Variants in DMD observed in about 807,000 individuals in gnomAD.
DMD encodes the protein dystrophin, also known as mutant dystrophin.
DMD carries 63 observed loss-of-function variants against 330.1 expected under a neutral mutation model. That is an observed-to-expected ratio of 0.19 (90% confidence interval 0.16 to 0.24). The LOEUF (loss-of-function observed/expected upper bound fraction) is 0.24. DMD is among the 10% of genes least tolerant of loss of function. DMD has a pLI of 1.00. For synonymous variants in DMD, 1,223 were observed against 959.8 expected, an observed-to-expected ratio of 1.27 and a Z score of -5.07; for missense variants, 3,344 against 2,684.1, an observed-to-expected ratio of 1.25 and a Z score of -5.43.
intron 1 of DMD, among the ~76,000 whole-genome samples, chrX:33,338,247 C>T (rs1213723982): frequency 1.8e-5 from 2 of 110,756 alleles, no homozygotes; most frequent in Non-Finnish European, 1.9e-5. Context: ...AGAAACGATG[C>T]ATAGTTTATA....
At chrX:31,610,710 G>A (rs17283225) in intron 55 of DMD, among the ~76,000 whole-genome samples, 5,613 of 111,375 alleles carry the variant, frequency 0.05, 101 homozygotes, top group South Asian at 0.072. Context: ...TTAAGTTATG[G>A]GATTCAACCT....
intron 43 of DMD, among the ~76,000 whole-genome samples, chrX:32,237,050 C>T (rs2097190588): frequency 9.0e-6 from 1 of 111,287 alleles, no homozygotes; most frequent in African/African-American, 3.3e-5. Flanking sequence ...TTGCATTGTA[C>T]AGGTTTTTAA....
chrX:31,154,077 T>C (rs768968007), intron 74 of DMD, among the ~76,000 whole-genome samples: 6 of 111,862 alleles, frequency 5.4e-5, no homozygotes, highest in Non-Finnish European at 1.1e-4. Flanking sequence ...TTAGGGCATA[T>C]TTTTGTTAGG....
chrX:33,135,437 T>C (rs1050253099), intron 1 of DMD, among the ~76,000 whole-genome samples: 2 of 112,065 alleles, frequency 1.8e-5, no homozygotes, highest in Non-Finnish European at 3.8e-5. Flanking sequence ...TTGTGAAAAA[T>C]TAGAAGCAAA....
chrX:31,186,080 C>G (rs2041745874), intron 67 of DMD, among the ~76,000 whole-genome samples: 1 of 111,952 alleles, frequency 8.9e-6, no homozygotes, highest in Admixed American at 9.5e-5. Flanking sequence ...ACTGACAGGT[C>G]ATTTGGCTTA....
At chrX:32,436,085 T>A (rs1175827853) in intron 29 of DMD, among the ~76,000 whole-genome samples, 1 of 112,107 alleles carries the variant, frequency 8.9e-6, no homozygotes. Context: ...ATAGACTTGT[T>A]CTGGATTGGG....
intron 30 of DMD, among the ~76,000 whole-genome samples, chrX:32,400,495 C>G (rs2098078813): frequency 9.0e-6 from 1 of 110,627 alleles, no homozygotes; most frequent in South Asian, 3.7e-4. Flanking sequence ...GGAGGATTCC[C>G]TCTTTTTCTA....
At chrX:32,541,664 G>T (rs1035375984) in intron 17 of DMD, among the ~76,000 whole-genome samples, 1 of 111,239 alleles carries the variant, frequency 9.0e-6, no homozygotes, top group Non-Finnish European at 1.9e-5. Context: ...TGGAAGGTGG[G>T]AGGCAGGTGA....
At chrX:32,815,520 T>TATATACACACACACACAC in intron 6 of DMD, among the ~76,000 whole-genome samples, 2 of 78,957 alleles carry the variant, frequency 2.5e-5, no homozygotes, top group African/African-American at 1.1e-4. Context: ...TATATATATA[T>TATATACACACACACACAC]ACACACACAC....
chrX:33,141,003 A>C (rs1195011535), intron 1 of DMD, among the ~76,000 whole-genome samples: 1 of 112,105 alleles, frequency 8.9e-6, no homozygotes, highest in Non-Finnish European at 1.9e-5. Flanking sequence ...AATAATTGTT[A>C]AGTATAATTC....
At chrX:32,083,409 C>T (rs2096408585) in intron 44 of DMD, among the ~76,000 whole-genome samples, 1 of 110,252 alleles carries the variant, frequency 9.1e-6, no homozygotes, top group Admixed American at 9.6e-5. Flanking sequence ...CGGCACATGC[C>T]ACTACGCCCG....
intron 17 of DMD, among the ~76,000 whole-genome samples, chrX:32,526,001 T>C (rs1015910043): frequency 8.9e-6 from 1 of 111,816 alleles, no homozygotes. Context: ...CATAAAACCA[T>C]TGCTAATGAA....
intron 1 of DMD, among the ~76,000 whole-genome samples, chrX:33,101,803 ATTTT>A (rs771457510): frequency 9.0e-6 from 1 of 111,726 alleles, no homozygotes; most frequent in South Asian, 3.7e-4. Flanking sequence ...GGTAAATGAC[ATTTT>A]TTCTCTTTTT....
Position 31,352,544 on chromosome X carries a change from T to C in DMD, c.9085-3910A>G, listed in dbSNP as rs748293020. ...CAAAGTTCATTCTAGACTCCCAATC[T>C]TCTCTCTGAAGAATTTTGCCTTCTT... On this transcript the variant is annotated intron_variant, in intron 60 of 78. Coordinates refer to ENST00000357033, the MANE Select transcript of DMD (RefSeq NM_004006.3). Among the ~76,000 whole-genome samples the C allele has an allele frequency of 3.2e-4, 10 of 31,714 alleles. 1 individual carries two copies. The highest frequency in any genetic ancestry group is 2.3e-3 in the African/African-American group (10 of 4,353). The allele number at this position is 31,714 out of a possible 115,157, so 27.5% of individuals were successfully genotyped here.
In DMD at chrX:31,285,754, A is replaced by C. The variant is rs993876985; in HGVS notation, c.9225-24738T>G. ...CAGCTGGCATATCATGAGCCTAGTT[A>C]TGTCAAAATAAATAAATGATCAAAA... On this transcript the variant is annotated intron_variant, in intron 62 of 78. Coordinates refer to ENST00000357033, the MANE Select transcript of DMD (RefSeq NM_004006.3). Among the ~76,000 whole-genome samples, 4 of 112,160 alleles carry C rather than the reference A, an allele frequency of 3.6e-5. No homozygotes were observed. In the Admixed American group the frequency reaches 3.8e-4, roughly 11 times the overall value.
rs779491496 is a variant in DMD, at chrX:31,742,401, T to C, written c.7543-12653A>G. Among the ~76,000 whole-genome samples the C allele has an allele frequency of 9.3e-4, 104 of 111,886 alleles. 2 individuals carry two copies. Among genetic ancestry groups the C allele is most frequent in the African/African-American group, 3.3e-3 (103 of 30,854 alleles). On this transcript the variant is annotated intron_variant, in intron 51 of 78. Transcript: ENST00000357033. ...ATTTAAAGTGACAAACATGTGACTCTTTTTTTTCCCATGAACACTTAGAGG... is the reference window on the plus strand; with the variant it reads ...ATTTAAAGTGACAAACATGTGACTCCTTTTTTTCCCATGAACACTTAGAGG...
At chrX:31,192,945 A>T (rs1369883639) in intron 67 of DMD, among the ~76,000 whole-genome samples, 1 of 111,878 alleles carries the variant, frequency 8.9e-6, no homozygotes, top group Non-Finnish European at 1.9e-5. Flanking sequence ...ATATGCCGAT[A>T]ACATGGCTGC....
chrX:33,127,982 A>G, intron 1 of DMD: 1 of 1,065,520 alleles, frequency 9.4e-7, no homozygotes, highest in Non-Finnish European at 1.2e-6. Context: ...AAAAGCCCCA[A>G]TTTAACTTTT....
intron 1 of DMD, among the ~76,000 whole-genome samples, chrX:33,111,692 T>C (rs2095340826): frequency 9.0e-6 from 1 of 111,675 alleles, no homozygotes; most frequent in Non-Finnish European, 1.9e-5. Context: ...CTGCAACCTC[T>C]GCCTCTGGGG....
Sources: gnomAD v4.1 joint callset for allele counts (sites outside exome capture counted in the v4.1 genomes callset) on GRCh38, gnomAD v4.1.1 for gene constraint, MANE v1.5 for transcripts, NCBI Gene and HGNC (gene_info 2026-07-23, HGNC 2026-07-21) for gene names.